Variants in THEMIS observed in about 807,000 individuals in gnomAD.
THEMIS encodes the protein thymocyte selection associated.
In THEMIS, 37 loss-of-function variants were observed where a neutral mutation model predicts 52.6. The observed-to-expected ratio is 0.70, with a 90% CI of 0.54 to 0.93. The LOEUF (loss-of-function observed/expected upper bound fraction) is 0.93. Ranked by LOEUF, THEMIS falls within the 40% of genes least tolerant of loss-of-function variation. The pLI, the probability that THEMIS is intolerant of heterozygous loss-of-function variation, is 0.00. For missense variants in THEMIS, 808 were observed against 763.1 expected (o/e 1.06, Z -0.69); for synonymous variants, 292 against 272.7 (o/e 1.07, Z -0.70).
At chr6:127,748,918 A>G (rs1775541037) in intron 4 of THEMIS, among the ~76,000 whole-genome samples, 1 of 152,076 alleles carries the variant, frequency 6.6e-6, no homozygotes, top group Non-Finnish European at 1.5e-5. Context: ...AGAAGATGTG[A>G]GCACCCATCT....
At chr6:127,799,441 T>C (rs1777445705) in intron 4 of THEMIS, among the ~76,000 whole-genome samples, 1 of 152,178 alleles carries the variant, frequency 6.6e-6, no homozygotes, top group Non-Finnish European at 1.5e-5. Context: ...TGTTCCTACA[T>C]ATTTGGTTTA....
chr6:127,848,402 T>C (rs1324045619), intron 2 of THEMIS, among the ~76,000 whole-genome samples: 4 of 152,018 alleles, frequency 2.6e-5, no homozygotes, highest in African/African-American at 9.7e-5. Context: ...CATATGTCTT[T>C]ATAGCAGCAT....
chr6:127,757,628 G>A (rs959401677), intron 4 of THEMIS, among the ~76,000 whole-genome samples: 6 of 151,946 alleles, frequency 3.9e-5, no homozygotes, highest in Non-Finnish European at 7.4e-5. Flanking sequence ...GACTACAGGC[G>A]CCCGCCACCA....
At chr6:127,750,201 C>G (rs1775588994) in intron 4 of THEMIS, among the ~76,000 whole-genome samples, 1 of 151,352 alleles carries the variant, frequency 6.6e-6, no homozygotes, top group South Asian at 2.1e-4. Flanking sequence ...ACTGATATTT[C>G]TACTCTAATT....
intron 1 of THEMIS, among the ~76,000 whole-genome samples, chr6:127,864,839 G>A (rs765021674): frequency 7.2e-5 from 11 of 152,140 alleles, no homozygotes; most frequent in Non-Finnish European, 1.6e-4. Flanking sequence ...ATAGAAGTCA[G>A]AAAAGCTGTT....
chr6:127,851,338 C>A (rs1480151408), intron 2 of THEMIS, among the ~76,000 whole-genome samples: 2 of 151,578 alleles, frequency 1.3e-5, no homozygotes, highest in Admixed American at 1.3e-4. Flanking sequence ...CATGCCTAGA[C>A]ATGTGATGAT....
chr6:127,719,606 T>A, intron 5 of THEMIS, 82 bp downstream of exon 5: 1 of 1,277,214 alleles, frequency 7.8e-7, no homozygotes, highest in Non-Finnish European at 1.1e-6. Context: ...AATAAAATAA[T>A]AGTAAGAATC....
At chr6:127,785,072 C>G (rs1179372981) in intron 4 of THEMIS, among the ~76,000 whole-genome samples, 1 of 150,802 alleles carries the variant, frequency 6.6e-6, no homozygotes, top group East Asian at 1.9e-4. Flanking sequence ...ATCTATCTAC[C>G]TATCATCTAT....
At chr6:127,765,795 T>G (rs1409335942) in intron 4 of THEMIS, among the ~76,000 whole-genome samples, 2 of 152,132 alleles carry the variant, frequency 1.3e-5, no homozygotes, top group East Asian at 3.9e-4. Context: ...ATAGCCTAGA[T>G]GTGTAGTAGG....
intron 2 of THEMIS, among the ~76,000 whole-genome samples, chr6:127,853,887 T>G (rs1271720959): frequency 6.6e-6 from 1 of 151,672 alleles, no homozygotes; most frequent in Non-Finnish European, 1.5e-5. Flanking sequence ...GAGCTGGGAT[T>G]CAAGTACAAT....
chr6:127,850,083 G>T (rs764824081), intron 2 of THEMIS, among the ~76,000 whole-genome samples: 12 of 152,078 alleles, frequency 7.9e-5, no homozygotes, highest in Non-Finnish European at 1.5e-4. Context: ...CAAATGACAT[G>T]AACAGCTATT....
chr6:127,829,150 C>T (rs1001064835), intron 3 of THEMIS, among the ~76,000 whole-genome samples: 1 of 152,130 alleles, frequency 6.6e-6, no homozygotes, highest in East Asian at 1.9e-4. Context: ...TAAATATGTT[C>T]TATTTTTTAA....
the THEMIS span, among the ~76,000 whole-genome samples, chr6:127,699,734 A>G: frequency 7.1e-6 from 1 of 141,142 alleles, no homozygotes; most frequent in African/African-American, 2.6e-5. Context: ...ATTTGGGGAA[A>G]AAAGGAAAGC....
chr6:127,917,606 CCTT>C (rs1357744614), intron 1 of THEMIS, among the ~76,000 whole-genome samples: 2 of 152,180 alleles, frequency 1.3e-5, no homozygotes, highest in African/African-American at 4.8e-5. Context: ...TGAGAATTCT[CCTT>C]CTCTTGGAGT....
At chr6:127,697,652 G>C in the THEMIS span, among the ~76,000 whole-genome samples, 1 of 151,770 alleles carries the variant, frequency 6.6e-6, no homozygotes, top group African/African-American at 2.4e-5. Flanking sequence ...TGTATGTTTT[G>C]ACTTCAAGTC....
intron 2 of THEMIS, among the ~76,000 whole-genome samples, chr6:127,832,917 G>T (rs1257676010): frequency 6.6e-6 from 1 of 150,656 alleles, no homozygotes. Context: ...CTGAGTAGCT[G>T]GGATTACAGG....
At chr6:127,845,915 C>T (rs570612862) in intron 2 of THEMIS, among the ~76,000 whole-genome samples, 16 of 151,982 alleles carry the variant, frequency 1.1e-4, no homozygotes, top group East Asian at 5.8e-4. Context: ...TGTTTGCATA[C>T]GCAAGAAAGA....
rs143445666 is a variant in THEMIS, at chr6:127,806,989, G to A, written c.1758+5894C>T. ...AGCCCATGCCATTTACTAGACAACA[G>A]ACCTCTGGCAACTCAAAAACCATGA... On this transcript the variant is annotated intron_variant, in intron 4 of 5. Coordinates refer to ENST00000368248, the MANE Select transcript of THEMIS (RefSeq NM_001010923.3). Among the ~76,000 whole-genome samples the A allele has an allele frequency of 3.3e-3, 504 of 152,258 alleles. 2 individuals carry two copies. Among genetic ancestry groups the A allele is most frequent in the Non-Finnish European group, 4.2e-3 (288 of 68,012 alleles).
At chr6:127,882,740 A>G (rs1780523435) in intron 1 of THEMIS, among the ~76,000 whole-genome samples, 1 of 151,922 alleles carries the variant, frequency 6.6e-6, no homozygotes, top group Admixed American at 6.6e-5. Flanking sequence ...CTTAAAAAAA[A>G]GCTTTTGTTT....
Sources: gnomAD v4.1 joint callset for allele counts (sites outside exome capture counted in the v4.1 genomes callset) on GRCh38, gnomAD v4.1.1 for gene constraint, MANE v1.5 for transcripts, NCBI Gene and HGNC (gene_info 2026-07-23, HGNC 2026-07-21) for gene names.